SNX7: variants seen among roughly 807,000 people sequenced by gnomAD.
The protein encoded by SNX7 is sorting nexin 7.
A neutral mutation model predicts 48.4 loss-of-function variants in SNX7; 35 were observed. That is an observed-to-expected ratio of 0.72 (90% CI 0.55 to 0.96). SNX7 has a LOEUF of 0.96. Among genes scored for constraint, SNX7 ranks in the 40% least tolerant of loss-of-function variants. The probability of loss-of-function intolerance (pLI) is 0.00; values close to 1 mark genes in which losing one functional copy is unlikely to be tolerated. For missense variants in SNX7, 553 were observed against 548.9 expected, an observed-to-expected ratio of 1.01 and a Z score of -0.07; for synonymous variants, 190 against 190.2, an observed-to-expected ratio of 1.00 and a Z score of 0.01.
At chr1:98,759,272 AGAG>A (rs976758873) in intron 8 of SNX7, among the ~76,000 whole-genome samples, 4 of 152,074 alleles carry the variant, frequency 2.6e-5, no homozygotes, top group African/African-American at 9.6e-5. Flanking sequence ...AATATATATT[AGAG>A]TAGTTATGAT....
chr1:98,694,227 G>C (rs1442696899), intron 4 of SNX7, among the ~76,000 whole-genome samples: 1 of 151,920 alleles, frequency 6.6e-6, no homozygotes, highest in Non-Finnish European at 1.5e-5. Context: ...AAAATTAGCC[G>C]GGCGCGGTGG....
intron 7 of SNX7, among the ~76,000 whole-genome samples, chr1:98,704,353 A>G (rs1340922901): frequency 3.3e-5 from 5 of 152,154 alleles, no homozygotes; most frequent in Admixed American, 2.0e-4. Context: ...GATTGCAGGT[A>G]TTTTTTTGTT....
chr1:98,694,032 G>A (rs965416198), intron 4 of SNX7, among the ~76,000 whole-genome samples: 4 of 152,134 alleles, frequency 2.6e-5, no homozygotes, highest in South Asian at 2.1e-4. Context: ...GTCTATAGTC[G>A]TCCCTCCTAG....
intron 1 of SNX7, among the ~76,000 whole-genome samples, chr1:98,667,179 A>G (rs927239203): frequency 2.4e-4 from 36 of 152,374 alleles, no homozygotes; most frequent in African/African-American, 8.2e-4. Flanking sequence ...GTTACACAGC[A>G]GTAGTAACTA....
intron 7 of SNX7, among the ~76,000 whole-genome samples, chr1:98,711,333 C>A (rs897726098): frequency 1.3e-5 from 2 of 152,190 alleles, no homozygotes; most frequent in Middle Eastern, 3.4e-3. Flanking sequence ...TACTAAAAAT[C>A]AAAAATTGTA....
chr1:98,755,637 T>C (rs903964085), intron 8 of SNX7, among the ~76,000 whole-genome samples: 6 of 151,924 alleles, frequency 3.9e-5, no homozygotes, highest in African/African-American at 1.4e-4. Flanking sequence ...GTATTTTTAA[T>C]TAAAAAAATA....
intron 8 of SNX7, among the ~76,000 whole-genome samples, chr1:98,753,798 C>T (rs1400153078): frequency 1.3e-5 from 2 of 151,958 alleles, no homozygotes; most frequent in African/African-American, 4.8e-5. Flanking sequence ...CCCTTTCAAC[C>T]CAGTTAATAG....
At chr1:98,738,431 T>C (rs1177967695) in intron 8 of SNX7, 42 bp downstream of exon 8, 1 of 1,579,544 alleles carries the variant, frequency 6.3e-7, no homozygotes, top group Non-Finnish European at 8.7e-7. Flanking sequence ...TAAAGTTATA[T>C]GCTCATTTAC....
chr1:98,699,420 A>G (rs1461244419), intron 6 of SNX7, among the ~76,000 whole-genome samples: 3 of 152,152 alleles, frequency 2.0e-5, no homozygotes, highest in Admixed American at 6.5e-5. Flanking sequence ...TTCCTCTTAT[A>G]TCAAAGTTTT....
At chr1:98,707,534 T>G (rs1411535534) in intron 7 of SNX7, among the ~76,000 whole-genome samples, 2 of 152,208 alleles carry the variant, frequency 1.3e-5, no homozygotes, top group Admixed American at 6.5e-5. Flanking sequence ...TGAAAATGCT[T>G]ATTCACTTCA....
At chr1:98,728,840 A>G (rs1168905409) in intron 7 of SNX7, among the ~76,000 whole-genome samples, 1 of 152,176 alleles carries the variant, frequency 6.6e-6, no homozygotes, top group East Asian at 1.9e-4. Context: ...CCACATAATA[A>G]TAGTAGGATA....
chr1:98,678,508 A>G (rs1046459215), intron 1 of SNX7, among the ~76,000 whole-genome samples: 5 of 152,236 alleles, frequency 3.3e-5, no homozygotes, highest in South Asian at 2.1e-4. Context: ...GTAAATACCA[A>G]TCTTCTCTAA....
intron 7 of SNX7, among the ~76,000 whole-genome samples, chr1:98,712,717 G>C (rs923860153): frequency 2.0e-5 from 3 of 152,134 alleles, no homozygotes; most frequent in African/African-American, 7.2e-5. Flanking sequence ...CCTAACAAGA[G>C]AGTCAGGCTG....
chr1:98,735,376 T>C (rs1219443841), intron 7 of SNX7, among the ~76,000 whole-genome samples: 2 of 152,106 alleles, frequency 1.3e-5, no homozygotes, highest in Non-Finnish European at 1.5e-5. Flanking sequence ...TTTTTTACCT[T>C]CCTTTTTTCC....
chr1:98,703,016 C>T (rs1048297340), intron 7 of SNX7, among the ~76,000 whole-genome samples: 1 of 152,078 alleles, frequency 6.6e-6, no homozygotes, highest in African/African-American at 2.4e-5. Context: ...ACTTTAATCA[C>T]TTCCTAACAT....
At chr1:98,717,264 C>T (rs906488007) in intron 7 of SNX7, among the ~76,000 whole-genome samples, 2 of 152,120 alleles carry the variant, frequency 1.3e-5, no homozygotes, top group African/African-American at 4.8e-5. Context: ...TGTATTGTTT[C>T]ACTTCAGTCT....
At chr1:98,680,182 C>T (rs1168655040) in intron 1 of SNX7, among the ~76,000 whole-genome samples, 1 of 152,202 alleles carries the variant, frequency 6.6e-6, no homozygotes, top group Non-Finnish European at 1.5e-5. Context: ...GCTGCCAAGG[C>T]TTGAGGCTTG....
intron 8 of SNX7, among the ~76,000 whole-genome samples, chr1:98,741,975 T>A (rs1434770649): frequency 6.6e-6 from 1 of 152,162 alleles, no homozygotes; most frequent in Non-Finnish European, 1.5e-5. Context: ...GGCAGGAAAG[T>A]GCAGCTATTT....
intron 6 of SNX7, among the ~76,000 whole-genome samples, chr1:98,699,356 A>G (rs1038215111): frequency 2.6e-5 from 4 of 152,142 alleles, no homozygotes; most frequent in Non-Finnish European, 5.9e-5. Context: ...GTTGCTTTTA[A>G]AAGAAATCTT....
Sources: allele counts gnomAD v4.1 joint callset (sites outside exome capture counted in the v4.1 genomes callset), GRCh38; gene constraint gnomAD v4.1.1; transcripts MANE v1.5; gene names NCBI Gene and HGNC (gene_info 2026-07-23, HGNC 2026-07-21).